PLA2G4F: variants seen among roughly 807,000 people sequenced by gnomAD.
The protein encoded by PLA2G4F is cytosolic phospholipase A2 zeta.
PLA2G4F carries 105 observed loss-of-function variants against 103.1 expected under a neutral mutation model. The ratio of observed to expected loss-of-function variants is 1.02; its 90% CI spans 0.87 to 1.20. The LOEUF (loss-of-function observed/expected upper bound fraction) is 1.20, where lower values mean the gene tolerates loss of function less well. PLA2G4F is among the 50% of genes most tolerant of loss of function. The pLI is 0.00. For missense variants in PLA2G4F, 1,155 were observed against 1,075.9 expected (o/e 1.07, Z -1.03); for synonymous variants, 468 against 441.1 (o/e 1.06, Z -0.76).
chr15:42,153,761 G>GCTCC lies in PLA2G4F; in HGVS notation c.451-102_451-101insGGAG. On this transcript the variant is annotated intron_variant, in intron 4 of 19. Coordinates refer to ENST00000397272, the MANE Select transcript of PLA2G4F (RefSeq NM_213600.4). ...TGCTTGGCTCCAGGGGCTAGAAGGG[G>GCTCC]AGACTGGCATTGTGGCTTGTCATGG... 4 of 1,320,326 alleles carry GCTCC rather than the reference G, an allele frequency of 3.0e-6. No homozygotes were observed. The East Asian group carries it at 6.9e-5, about 23-fold the overall frequency. The allele number at this position is 1,320,326 out of a possible 1,614,324, so 81.8% of individuals were successfully genotyped here.
intron 5 of PLA2G4F, 123 bp downstream of exon 5, chr15:42,153,497 G>T: frequency 6.7e-7 from 1 of 1,486,188 alleles, no homozygotes; most frequent in Non-Finnish European, 9.3e-7. Flanking sequence ...TGGGTGTCAA[G>T]ACCAGGCCAT....
chr15:42,141,003 G>A lies in PLA2G4F; in HGVS notation c.*981C>T, dbSNP rs2048823105. ...CTGGCGGGTCAGGGGAAATGGAGAA[G>A]AGGGAGAGTGAGAAACAAAACTTGC... On this transcript the variant is annotated 3_prime_UTR_variant, in exon 20 of 20. Coordinates refer to ENST00000397272, the MANE Select transcript of PLA2G4F (RefSeq NM_213600.4). 2 of 342,768 alleles carry A rather than the reference G, an allele frequency of 5.8e-6. No individual in the cohort carries two copies. Among genetic ancestry groups the A allele is most frequent in the East Asian group, 7.5e-5 (1 of 13,322 alleles). 21.2% of individuals were successfully genotyped at this position (342,768 alleles called of 1,614,324 possible).
At position 42,139,710 on chromosome 15, in the gene PLA2G4F, A is replaced by G. The variant is rs539560077; in HGVS notation, c.*2274T>C. ...GCTTCTTGCTCTGCGTGGCTCCCAG[A>G]TTCAGTCTTGTTGGAGCCTCCCCAT... On this transcript the variant is annotated 3_prime_UTR_variant, in exon 20 of 20. Transcript: ENST00000397272. 2.9e-4 allele frequency: 44 copies of G among 152,322 alleles called. No individual in the cohort carries two copies. The highest frequency in any genetic ancestry group is 9.9e-4 in the African/African-American group (41 of 41,510). 9.4% of individuals were successfully genotyped at this position (152,322 alleles called of 1,614,324 possible).
chr15:42,145,778 A>T lies in PLA2G4F; in HGVS notation c.1660T>A (p.Cys554Ser), dbSNP rs1227101972. The T allele has an allele frequency of 1.9e-6, 3 of 1,614,072 alleles. No homozygotes were observed. Among genetic ancestry groups the T allele is most frequent in the Non-Finnish European group, 2.5e-6 (3 of 1,180,012 alleles). ...LLQLQPEPRICYLQGMWGSAF... is the reference protein window; with the variant it reads ...LLQLQPEPRISYLQGMWGSAF... ...AGCCTCGACTCACCTTGCAGGTAAC[A>T]GATCCGGGGTTCAGGCTGGAGCTGC... Residue 554 changes from cysteine to serine, a missense_variant, in exon 15 of 20, where the codon TGT (cysteine) becomes AGT (serine). Physicochemically the swap from Cys to Ser is moderately radical, Grantham distance 112. Transcript: ENST00000397272.
chr15:42,147,702 C>T lies in PLA2G4F; in HGVS notation c.1120G>A (p.Gly374Ser), dbSNP rs200111531. 9.9e-6 allele frequency: 16 copies of T among 1,613,914 alleles called. No individual in the cohort carries two copies. Among genetic ancestry groups the T allele is most frequent in the South Asian group, 3.3e-5 (3 of 91,084 alleles). Residue 374 changes from glycine (G) to serine (S), a missense_variant, in exon 12 of 20, where the codon GGC (glycine) becomes AGC (serine). Gly to Ser is a moderately conservative substitution (Grantham distance 56). Transcript: ENST00000397272. ...GGTRAMSSLYGSLAGLQELGL... is the reference protein window; with the variant it reads ...GGTRAMSSLYSSLAGLQELGL... ...AGCTCCTGCAACCCTGCCAGGCTGC[C>T]GTACAGAGAAGACATGGCTCGGGTT...
rs1566883095 is a variant in PLA2G4F, at chr15:42,155,578, G to A, written c.123C>T (p.Tyr41=). The change falls in exon 2 of 20, where the codon TAC becomes TAT. Residue 41 remains tyrosine (Y), a synonymous_variant. Transcript: ENST00000397272. ...PLWRHWRRET[Y]PYYDLQVKVL... ...CCTTCACCTGGAGGTCATAGTATGG[G>A]TAGGTTTCCCGCTGCAATAACAGAA... The A allele has an allele frequency of 3.1e-6, 5 of 1,613,924 alleles. No homozygotes were observed.
In PLA2G4F at chr15:42,156,622, GTGA is replaced by G; in HGVS notation, c.-76_-74del. The G allele has an allele frequency of 9.2e-7, 1 of 1,081,774 alleles. No individual in the cohort carries two copies. The highest frequency in any genetic ancestry group is 1.3e-6 in the Non-Finnish European group (1 of 756,392). The allele number at this position is 1,081,774 out of a possible 1,614,324, so 67.0% of individuals were successfully genotyped here. ...GGTTGCACAAACTGCTGGCTCAGGT[GTGA>G]CAGGCAGCACTGAGTTGGGAGGGTG... On this transcript the variant is annotated 5_prime_UTR_variant, in exon 1 of 20. Coordinates refer to ENST00000397272, the MANE Select transcript of PLA2G4F (RefSeq NM_213600.4).
chr15:42,147,754 T>C lies in PLA2G4F; in HGVS notation c.1068A>G (p.Val356=). 1 of 1,613,740 alleles carries C rather than the reference T, an allele frequency of 6.2e-7. No individual in the cohort carries two copies. The highest frequency in any genetic ancestry group is 8.5e-7 in the Non-Finnish European group (1 of 1,179,880). The change falls in exon 12 of 20, where the codon GTA becomes GTG. Residue 356 remains valine (V), a synonymous_variant. Coordinates refer to ENST00000397272, the MANE Select transcript of PLA2G4F (RefSeq NM_213600.4). ...SEALDSGQVP[V]VAVLGSGGGT... is the part of the protein sequence containing the mutation. ...CACCCCCGGAACCCAACACAGCCAC[T>C]ACAGGCACCTGGGTACAATAATAAC...
At chr15:42,152,540 GCCTC>G in intron 7 of PLA2G4F, 144 bp downstream of exon 7, 13 of 836,746 alleles carry the variant, frequency 1.6e-5, no homozygotes, top group Non-Finnish European at 2.4e-5. Flanking sequence ...GTTGTTCACT[GCCTC>G]CAGTGAACAA....
chr15:42,152,642 C>G (rs1264734024), intron 7 of PLA2G4F, 46 bp downstream of exon 7: 5 of 1,546,758 alleles, frequency 3.2e-6, no homozygotes, highest in Non-Finnish European at 4.4e-6. Flanking sequence ...GTAGTTCCAA[C>G]CCCGGGAGAG....
At position 42,153,312 on chromosome 15, in the gene PLA2G4F, G is replaced by A. The variant is rs776314664; in HGVS notation, c.522C>T (p.Asn174=). 45 of 1,614,016 alleles carry A rather than the reference G, an allele frequency of 2.8e-5. No homozygotes were observed. Among genetic ancestry groups the A allele is most frequent in the Middle Eastern group, 1.6e-4 (1 of 6,084 alleles). The change falls in exon 6 of 20, where the codon AAC becomes AAT. Residue 174 remains asparagine, a synonymous_variant. Coordinates refer to ENST00000397272, the MANE Select transcript of PLA2G4F (RefSeq NM_213600.4). ...CTTCCCCACTCACCACCAGAACCCC[G>A]TTGGTGATGACTTCAGATGCAGGCA... ...SQVPASEVIT[N]GVLVAHPCLR...
chr15:42,145,253 G>T (rs1313440032), intron 16 of PLA2G4F, among the ~76,000 whole-genome samples: 1 of 152,218 alleles, frequency 6.6e-6, no homozygotes, highest in Non-Finnish European at 1.5e-5. Flanking sequence ...GAGAAAAGCG[G>T]GAAGGGTGCT....
In PLA2G4F at chr15:42,153,655, T is replaced by C; in HGVS notation, c.456A>G (p.Ser152=). 6.2e-7 allele frequency: 1 copy of C among 1,614,156 alleles called. No homozygotes were observed. Among genetic ancestry groups the C allele is most frequent in the Non-Finnish European group, 8.5e-7 (1 of 1,180,008 alleles). Residue 152 remains serine, a synonymous_variant, in exon 5 of 20, where the codon TCA becomes TCG. Coordinates refer to ENST00000397272, the MANE Select transcript of PLA2G4F (RefSeq NM_213600.4). ...KHTFPLNHQD[S]QELQVEFVLE... ...GAACAAATTCCACCTGCAGCTCTTG[T>C]GAATCCTACATGGAGGGGGAGGGAG...
At chr15:42,149,200 T>C (rs571863521) in intron 11 of PLA2G4F, 8 of 972,974 alleles carry the variant, frequency 8.2e-6, no homozygotes, top group East Asian at 1.1e-4. Flanking sequence ...TAACCCCCAA[T>C]GTGACAGTAT....
At chr15:42,142,909 G>T (rs958203913) in intron 18 of PLA2G4F, among the ~76,000 whole-genome samples, 195 bp from the exon 19 acceptor site, 12 of 152,090 alleles carry the variant, frequency 7.9e-5, no homozygotes, top group African/African-American at 2.9e-4. Context: ...GGCCGGGCAT[G>T]GTGGCTCATG....
Position 42,155,616 on chromosome 15 carries a change from A to G in PLA2G4F, c.112-27T>C, listed in dbSNP as rs771679238. The G allele has an allele frequency of 1.9e-6, 3 of 1,606,568 alleles. No homozygotes were observed. In the South Asian group the frequency reaches 3.3e-5, roughly 18 times the overall value. ...TGCAATAACAGAACTCCAGGGACTC[A>G]GTCAGCTAGTGTGAGCCTGGTCCCT... On this transcript the variant is annotated intron_variant, in intron 1 of 19. Coordinates refer to ENST00000397272, the MANE Select transcript of PLA2G4F (RefSeq NM_213600.4).
Position 42,141,855 on chromosome 15 carries a change from A to G in PLA2G4F, c.*129T>C, listed in dbSNP as rs1189552348. 1 of 934,996 alleles carries G rather than the reference A, an allele frequency of 1.1e-6. No individual in the cohort carries two copies. Among genetic ancestry groups the G allele is most frequent in the Non-Finnish European group, 1.6e-6 (1 of 626,316 alleles). The allele number at this position is 934,996 out of a possible 1,614,324, so 57.9% of individuals were successfully genotyped here. A position where few individuals can be genotyped will look rare whatever the true frequency, so the allele number is the denominator to read the frequency against. On this transcript the variant is annotated 3_prime_UTR_variant, in exon 20 of 20. Transcript: ENST00000397272. ...GCAAGAGCTTTCCGGGGCCTGGGGC[A>G]CCTCGAGGCAGGTCCTGGAGAGAAG...
In PLA2G4F at chr15:42,144,089, G is replaced by A. The variant is rs752622745; in HGVS notation, c.2031C>T (p.Tyr677=). ...TGATGGCAAAGCCTCCGTCCACCAG[G>A]TACAGGCAGTCCCGCATGGGGGTGA... ...NQLTPMRDCL[Y]LVDGGFAINS... is the part of the protein sequence containing the mutation. The change falls in exon 18 of 20, where the codon TAC becomes TAT. Residue 677 remains tyrosine (Y), a synonymous_variant. Transcript: ENST00000397272. 6.2e-6 allele frequency: 10 copies of A among 1,613,914 alleles called. No homozygotes were observed. The African/African-American group carries it at 1.2e-4, about 19-fold the overall frequency.
In PLA2G4F at chr15:42,139,569, G is replaced by C. The variant is rs548508212; in HGVS notation, c.*2415C>G. ...ATCCCTCCAACTCTGTCACCTTCAGGACCCTGAAGCTTATTTCCAGCCATC... is the reference window on the plus strand; with the variant it reads ...ATCCCTCCAACTCTGTCACCTTCAGCACCCTGAAGCTTATTTCCAGCCATC... On this transcript the variant is annotated 3_prime_UTR_variant, in exon 20 of 20. Transcript: ENST00000397272. 5 of 152,292 alleles carry C rather than the reference G, an allele frequency of 3.3e-5. No individual in the cohort carries two copies. The South Asian group carries it at 8.3e-4, about 25-fold the overall frequency. 9.4% of individuals were successfully genotyped at this position (152,292 alleles called of 1,614,324 possible).
Sources: gnomAD v4.1 joint callset for allele counts (sites outside exome capture counted in the v4.1 genomes callset) on GRCh38, gnomAD v4.1.1 for gene constraint, MANE v1.5 for transcripts, NCBI Gene and HGNC (gene_info 2026-07-23, HGNC 2026-07-21) for gene names.